The following SBF1 variants were observed in gnomAD, a reference collection of about 807,000 sequenced individuals.
The protein encoded by SBF1 is SET binding factor 1, also known as myotubularin-related protein 5.
A neutral mutation model predicts 215.8 loss-of-function variants in SBF1; 65 were observed. The observed-to-expected ratio is 0.30, with a 90% CI of 0.25 to 0.37. The LOEUF (loss-of-function observed/expected upper bound fraction) is 0.37. SBF1 is among the 10% of genes least tolerant of loss of function. The pLI, the probability that SBF1 is intolerant of heterozygous loss-of-function variation, is 1.00. For missense variants in SBF1, 2,634 were observed against 2,667.8 expected (o/e 0.99, Z 0.28); for synonymous variants, 1,410 against 1,122.8 (o/e 1.26, Z -5.11).
Position 50,465,980 on chromosome 22 carries a change from G to A in SBF1, c.992C>T (p.Thr331Met), listed in dbSNP as rs544578906. 1.4e-4 allele frequency: 221 copies of A among 1,613,936 alleles called. 1 individual carries two copies. The South Asian group carries it at 2.0e-3, about 15-fold the overall frequency. The change falls in exon 9 of 41, where the codon ACG becomes ATG. Residue 331 changes from threonine to methionine, a missense_variant. Thr to Met is a moderately conservative substitution (Grantham distance 81). Transcript: ENST00000380817. ...PPLPEPLQSQ[T>M]HSVLSMVLDP... is the part of the protein sequence containing the mutation. ...CCTCACCATGCTCAGCACACTGTGCGTCTGACTCTGCAGTGGCTCTGGCAA... is the reference window on the plus strand; with the variant it reads ...CCTCACCATGCTCAGCACACTGTGCATCTGACTCTGCAGTGGCTCTGGCAA...
rs773427322 is a variant in SBF1, at chr22:50,448,342, G to T, written c.5254C>A (p.Leu1752Met). Residue 1752 changes from leucine to methionine, a missense_variant, in exon 38 of 41, where the codon CTG becomes ATG. By Grantham distance (15) the Leu-to-Met change is conservative. Coordinates refer to ENST00000380817, the MANE Select transcript of SBF1 (RefSeq NM_002972.4). ...GAGCCACTACTCTGGTCGCTGTCCA[G>T]GCTGAGGCTCAGGGTGGAGCCCACG... ...GPVGSTLSLS[L>M]DSDQSSGSTT... is the part of the protein sequence containing the mutation. The T allele has an allele frequency of 3.7e-6, 6 of 1,613,888 alleles. No homozygotes were observed. The highest frequency in any genetic ancestry group is 5.1e-6 in the Non-Finnish European group (6 of 1,180,040).
At position 50,466,652 on chromosome 22, in the gene SBF1, G is replaced by A. The variant is rs970529797; in HGVS notation, c.608C>T (p.Ser203Leu). The A allele has an allele frequency of 2.1e-5, 33 of 1,551,350 alleles. No individual in the cohort carries two copies. The highest frequency in any genetic ancestry group is 2.4e-5 in the Non-Finnish European group (27 of 1,147,342). ...RQVIQTPLAD[S>L]LPVSRCSVAL... ...CACGCTGCAGCGGCTGACGGGCAGC[G>A]AGTCGGCCAGTGGAGTCTGGATGAC... The change falls in exon 6 of 41, where the codon TCG (serine) becomes TTG (leucine). Residue 203 changes from serine to leucine, a missense_variant. Coordinates refer to ENST00000380817, the MANE Select transcript of SBF1 (RefSeq NM_002972.4).
Position 50,462,554 on chromosome 22 carries a change from C to A in SBF1, c.2127+5G>T, listed in dbSNP as rs779542104. 4 of 1,609,212 alleles carry A rather than the reference C, an allele frequency of 2.5e-6. No individual in the cohort carries two copies. The highest frequency in any genetic ancestry group is 2.7e-5 in the African/African-American group (2 of 74,848). On this transcript the variant is annotated splice_donor_5th_base_variant and intron_variant, in intron 18 of 40. Transcript: ENST00000380817. ...CAGCCCCCAGCCCAGGGAGTCCCTGCGCACCTGGGCGGGGGCCAGGTCCTC... is the reference window on the plus strand; with the variant it reads ...CAGCCCCCAGCCCAGGGAGTCCCTGAGCACCTGGGCGGGGGCCAGGTCCTC...
At position 50,462,771 on chromosome 22, in the gene SBF1, G is replaced by C; in HGVS notation, c.1969-54C>G. Reference sequence around the variant, plus strand: ...GGATGCAGCCAGGAAGGGCGGCTGGGAAGGAGACCTCGGCCACCAGGAAGG... The same window carrying C: ...GGATGCAGCCAGGAAGGGCGGCTGGCAAGGAGACCTCGGCCACCAGGAAGG... On this transcript the variant is annotated intron_variant, in intron 17 of 40. Transcript: ENST00000380817. 4.3e-6 allele frequency: 7 copies of C among 1,609,300 alleles called. No individual in the cohort carries two copies. The South Asian group carries it at 5.5e-5, about 13-fold the overall frequency.
At chr22:50,448,740 C>T (rs2066931916) in intron 36 of SBF1, 90 bp from the exon 37 acceptor site, 1 of 1,051,642 alleles carries the variant, frequency 9.5e-7, no homozygotes, top group Admixed American at 1.9e-5. Context: ...GAAAGAGACA[C>T]AACGGAAAGG....
Position 50,455,332 on chromosome 22 carries a change from C to G in SBF1, c.4446G>C (p.Glu1482Asp). 2 of 1,613,600 alleles carry G rather than the reference C, an allele frequency of 1.2e-6. No individual in the cohort carries two copies. The highest frequency in any genetic ancestry group is 1.7e-6 in the Non-Finnish European group (2 of 1,179,972). Residue 1482 changes from glutamate (E) to aspartate (D), a missense_variant, in exon 33 of 41, where the codon GAG (glutamate) becomes GAC (aspartate). Physicochemically the swap from Glu to Asp is conservative, Grantham distance 45 (BLOSUM62 2). Transcript: ENST00000380817. ...LEGFRLLVEK[E>D]WLSFGHRFSH... ...TGAAGCGATGGCCGAAGGACAGCCA[C>G]TCCTTCTCCACCAGCAGGCGAAAGC...
At position 50,459,305 on chromosome 22, in the gene SBF1, G is replaced by A. The variant is rs770642143; in HGVS notation, c.3776C>T (p.Ser1259Leu). The A allele has an allele frequency of 1.1e-5, 17 of 1,612,038 alleles. No homozygotes were observed. The highest frequency in any genetic ancestry group is 2.7e-5 in the African/African-American group (2 of 74,916). The change falls in exon 28 of 41, where the codon TCG becomes TTG. Residue 1259 changes from serine to leucine, a missense_variant. Physicochemically the swap from Ser to Leu is moderately radical, Grantham distance 145. Coordinates refer to ENST00000380817, the MANE Select transcript of SBF1 (RefSeq NM_002972.4). The stretch of plus-strand genomic sequence containing the variant: ...GAAGCCGCTAAGCGTGTTGCGTCCC[G>A]ACGCGTCGGCGTAGCGGGGCATGGA... ...VSSMPRYADA[S>L]GRNTLSGFSS...
chr22:50,465,455 A>C, intron 10 of SBF1, 127 bp from the exon 11 acceptor site: 1 of 797,182 alleles, frequency 1.3e-6, no homozygotes, highest in Non-Finnish European at 2.0e-6. Flanking sequence ...CCCTCCCACC[A>C]TTCTGCACTC....
chr22:50,462,282 G>A lies in SBF1; in HGVS notation c.2319C>T (p.Ser773=), dbSNP rs750670371. ...GCTCCCGAAGTAGGCGGCTCTTGCT[G>A]CTGTCCAGGGGCAGGAGGAGGTAGC... ...RMSYLLLPLD[S]SKSRLLRERA... The change falls in exon 19 of 41, where the codon AGC becomes AGT. Residue 773 remains serine, a synonymous_variant. Coordinates refer to ENST00000380817, the MANE Select transcript of SBF1 (RefSeq NM_002972.4). 82 of 1,612,820 alleles carry A rather than the reference G, an allele frequency of 5.1e-5. No individual in the cohort carries two copies. Among genetic ancestry groups the A allele is most frequent in the Non-Finnish European group, 6.4e-5 (75 of 1,180,008 alleles).
intron 28 of SBF1, among the ~76,000 whole-genome samples, chr22:50,457,704 C>T (rs760354394): frequency 6.6e-6 from 1 of 152,224 alleles, no homozygotes; most frequent in African/African-American, 2.4e-5. Context: ...GTCCAGACGA[C>T]GTGGCCTGAA....
chr22:50,451,214 G>A (rs1038728079), intron 36 of SBF1, among the ~76,000 whole-genome samples: 2 of 144,944 alleles, frequency 1.4e-5, no homozygotes, highest in African/African-American at 2.6e-5. Context: ...CGTGGCCCAC[G>A]CCAGTAGTCT....
chr22:50,455,444 G>T, intron 32 of SBF1, 35 bp from the exon 33 acceptor site: 1 of 1,612,152 alleles, frequency 6.2e-7, no homozygotes, highest in Non-Finnish European at 8.5e-7. Flanking sequence ...CGAGGAGCCC[G>T]GGAGCCTGGC....
intron 1 of SBF1, 61 bp downstream of exon 1, chr22:50,474,725 C>G: frequency 7.2e-7 from 1 of 1,386,300 alleles, no homozygotes; most frequent in East Asian, 3.2e-5. Context: ...CAGACCCAGC[C>G]CCTGGCCCTC....
In SBF1 at chr22:50,460,689, C is replaced by CTCG. The variant is rs2067469407; in HGVS notation, c.2988_2990dup (p.Asp996dup). 1 of 1,613,584 alleles carries CTCG rather than the reference C, an allele frequency of 6.2e-7. No individual in the cohort carries two copies. The highest frequency in any genetic ancestry group is 8.5e-7 in the Non-Finnish European group (1 of 1,179,974). On this transcript the variant is annotated inframe_insertion, in exon 24 of 41. Transcript: ENST00000380817. ...GCTCGGCGCTGTCAGACCCCACCTC[C>CTCG]TCGTCAAAGGCCATTTTCAGCAGCT...
In SBF1 at chr22:50,474,567, C is replaced by T. The variant is rs140999088; in HGVS notation, c.55+219G>A. Among the ~76,000 whole-genome samples the T allele has an allele frequency of 0.18, 27,436 of 151,510 alleles. 3,572 individuals carry two copies. The highest frequency in any genetic ancestry group is 0.71 in the East Asian group (3,566 of 5,036). On this transcript the variant is annotated intron_variant, in intron 1 of 40. Transcript: ENST00000380817. ...CCTGGCCTTCAGTCCCCGCCCGGCCCCCGGCCCCGGCCCTCAGTCCTCGGC... is the reference window on the plus strand; with the variant it reads ...CCTGGCCTTCAGTCCCCGCCCGGCCTCCGGCCCCGGCCCTCAGTCCTCGGC...
chr22:50,461,625 C>G lies in SBF1; in HGVS notation c.2737G>C (p.Ala913Pro). ...GCTGGTCCCCCAGCACTGCCCCCCG[C>G]GCCCTCCTCACGCCCATCCGGCAGC... ...YLLPDGREEG[A>P]GGSAGGPALL... Residue 913 changes from alanine to proline, a missense_variant, in exon 22 of 41, where the codon GCG becomes CCG. Ala to Pro is a conservative substitution (Grantham distance 27, BLOSUM62 -1). Coordinates refer to ENST00000380817, the MANE Select transcript of SBF1 (RefSeq NM_002972.4). 6.2e-7 allele frequency: 1 copy of G among 1,611,510 alleles called. No homozygotes were observed. Among genetic ancestry groups the G allele is most frequent in the Non-Finnish European group, 8.5e-7 (1 of 1,179,754 alleles).
chr22:50,461,608 C>T lies in SBF1; in HGVS notation c.2754G>A (p.Gly918=). Residue 918 remains glycine, a synonymous_variant, in exon 22 of 41, where the codon GGG becomes GGA. Coordinates refer to ENST00000380817, the MANE Select transcript of SBF1 (RefSeq NM_002972.4). ...GREEGAGGSA[G]GPALLPAEGA... is the part of the protein sequence containing the mutation. ...CCTCAGCTGGGAGCAATGCTGGTCC[C>T]CCAGCACTGCCCCCCGCGCCCTCCT... 2 of 1,611,882 alleles carry T rather than the reference C, an allele frequency of 1.2e-6. No individual in the cohort carries two copies. The highest frequency in any genetic ancestry group is 1.1e-5 in the South Asian group (1 of 91,048).
chr22:50,469,730 C>T (rs1393932417), intron 1 of SBF1, among the ~76,000 whole-genome samples: 2 of 152,130 alleles, frequency 1.3e-5, no homozygotes, highest in Non-Finnish European at 1.5e-5. Context: ...CAACACAGAG[C>T]CCCTCATGGA....
intron 34 of SBF1, 23 bp from the exon 35 acceptor site, chr22:50,454,967 C>T: frequency 6.2e-7 from 1 of 1,614,004 alleles, no homozygotes; most frequent in Admixed American, 1.7e-5. Flanking sequence ...AGCACTGAGC[C>T]TGGGCCCCTC....
Sources: allele counts gnomAD v4.1 joint callset (sites outside exome capture counted in the v4.1 genomes callset), GRCh38; gene constraint gnomAD v4.1.1; transcripts MANE v1.5; gene names NCBI Gene and HGNC (gene_info 2026-07-23, HGNC 2026-07-21).